The following TXNDC15 variants were observed in gnomAD, a reference collection of about 807,000 sequenced individuals.
TXNDC15 encodes thioredoxin domain-containing protein 15.
In TXNDC15, 24 loss-of-function variants were observed where a neutral mutation model predicts 35.0. The observed-to-expected ratio is 0.68, with a 90% CI of 0.50 to 0.96. The LOEUF is 0.96. Among genes scored for constraint, TXNDC15 ranks in the 40% least tolerant of loss-of-function variants. The probability of loss-of-function intolerance (pLI) is 0.00; values close to 1 mark genes in which losing one functional copy is unlikely to be tolerated. For synonymous variants in TXNDC15, 169 were observed against 174.0 expected (o/e 0.97, Z 0.23); for missense variants, 385 against 453.3 (o/e 0.85, Z 1.37).
At chr5:134,897,014 T>C (rs1321768089) in intron 4 of TXNDC15, among the ~76,000 whole-genome samples, 1 of 152,074 alleles carries the variant, frequency 6.6e-6, no homozygotes, top group African/African-American at 2.4e-5. Context: ...TGATCTCAGT[T>C]CACTTCAGCC....
At chr5:134,884,499 C>T (rs961666088) in intron 1 of TXNDC15, among the ~76,000 whole-genome samples, 1 of 151,988 alleles carries the variant, frequency 6.6e-6, no homozygotes, top group Admixed American at 6.6e-5. Context: ...CTACCCGCCT[C>T]AGCCTCCCAA....
chr5:134,875,478 C>T (rs939980376), intron 1 of TXNDC15: 3 of 439,444 alleles, frequency 6.8e-6, no homozygotes, highest in South Asian at 4.8e-5. Context: ...CGAGCATCAT[C>T]TTTTGGAATC....
intron 2 of TXNDC15, among the ~76,000 whole-genome samples, chr5:134,890,864 T>C (rs1001514331): frequency 6.6e-6 from 1 of 152,248 alleles, no homozygotes; most frequent in Non-Finnish European, 1.5e-5. Context: ...TTATGGAATA[T>C]TCTAAATCCT....
chr5:134,898,341 AT>A (rs1750535713), intron 4 of TXNDC15, among the ~76,000 whole-genome samples: 2 of 152,146 alleles, frequency 1.3e-5, no homozygotes, highest in African/African-American at 4.8e-5. Flanking sequence ...ATATGGCCTT[AT>A]TTTTTATTGT....
rs1448417821 is a variant in TXNDC15 at position 134,901,533 on chromosome 5, T to A, written c.*1848T>A. On this transcript the variant is annotated 3_prime_UTR_variant, in exon 5 of 5. Coordinates refer to ENST00000358387, the MANE Select transcript of TXNDC15 (RefSeq NM_024715.4). ...AAAACTCTAGTGAGTCCACCTCTTATATTGAGTTATTACTGTGTGAGTGCC... is the reference window on the plus strand; with the variant it reads ...AAAACTCTAGTGAGTCCACCTCTTAAATTGAGTTATTACTGTGTGAGTGCC... 1 of 152,238 alleles carries A rather than the reference T, an allele frequency of 6.6e-6. No individual in the cohort carries two copies. Among genetic ancestry groups the A allele is most frequent in the African/African-American group, 2.4e-5 (1 of 41,466 alleles). The allele number at this position is 152,238 out of a possible 1,614,324, so 9.4% of individuals were successfully genotyped here.
chr5:134,875,293 C>T (rs1294161880), intron 1 of TXNDC15: 1 of 456,218 alleles, frequency 2.2e-6, no homozygotes, highest in Non-Finnish European at 4.4e-6. Flanking sequence ...AGTCCAGACC[C>T]TCGGTCTCGC....
chr5:134,889,688 A>G (rs1179030832), intron 2 of TXNDC15, among the ~76,000 whole-genome samples: 1 of 152,204 alleles, frequency 6.6e-6, no homozygotes, highest in Non-Finnish European at 1.5e-5. Context: ...GGTGGGGGCA[A>G]TTGCCTGGAC....
At chr5:134,879,749 T>C (rs991001823) in intron 1 of TXNDC15, among the ~76,000 whole-genome samples, 7 of 151,352 alleles carry the variant, frequency 4.6e-5, no homozygotes, top group African/African-American at 1.7e-4. Flanking sequence ...AGCCTTAAAC[T>C]CTGTCCTATG....
intron 4 of TXNDC15, 44 bp from the exon 5 acceptor site, chr5:134,899,445 G>C (rs370318757): frequency 5.8e-6 from 9 of 1,562,400 alleles, no homozygotes; most frequent in Non-Finnish European, 7.8e-6. Flanking sequence ...ATCTGTGGTG[G>C]GTGCTTTTTC....
rs773583231 is a variant in TXNDC15 at position 134,887,894 on chromosome 5, T to C, written c.303T>C (p.Ala101=). ...MVMLSVIPGE[A]EDKVSSEPSG... is the part of the protein sequence containing the mutation. ...TGCTGTCTGTGATTCCTGGGGAAGC[T>C]GAGGACAAAGTGAGTTCAGAGCCTA... Residue 101 remains alanine (A), a synonymous_variant, in exon 2 of 5, where the codon GCT becomes GCC. Transcript: ENST00000358387. The C allele has an allele frequency of 6.2e-7, 1 of 1,614,160 alleles. No homozygotes were observed. The highest frequency in any genetic ancestry group is 1.1e-5 in the South Asian group (1 of 91,078).
In TXNDC15 at chr5:134,900,489, C is replaced by T. The variant is rs887110926; in HGVS notation, c.*804C>T. On this transcript the variant is annotated 3_prime_UTR_variant, in exon 5 of 5. Coordinates refer to ENST00000358387, the MANE Select transcript of TXNDC15 (RefSeq NM_024715.4). The stretch of plus-strand genomic sequence containing the variant: ...GGACTTTTGAGACCAGCCTGGCCAA[C>T]TTGGTGAAACCCTCTCTCTACTAAA... 23 of 152,150 alleles carry T rather than the reference C, an allele frequency of 1.5e-4. No individual in the cohort carries two copies. Among genetic ancestry groups the T allele is most frequent in the African/African-American group, 4.6e-4 (19 of 41,442 alleles). The allele number at this position is 152,150 out of a possible 1,614,324, so 9.4% of individuals were successfully genotyped here. A position where few individuals can be genotyped will look rare whatever the true frequency, so the allele number is the denominator to read the frequency against.
In TXNDC15 at chr5:134,893,269, C is replaced by T; in HGVS notation, c.592-223C>T. The T allele has an allele frequency of 6.1e-6, 3 of 488,060 alleles. No homozygotes were observed. In the East Asian group the frequency reaches 9.5e-5, roughly 16 times the overall value. The allele number at this position is 488,060 out of a possible 1,614,324, so 30.2% of individuals were successfully genotyped here. The stretch of plus-strand genomic sequence containing the variant: ...AAACTTTCTGCTTAATTCAGCAAGA[C>T]TTAAAAAAAGTGAAAGTTTATAACT... On this transcript the variant is annotated intron_variant, in intron 2 of 4. Transcript: ENST00000358387.
rs920144002 is a variant in TXNDC15, at chr5:134,874,378, T to A, written c.-50T>A. ...TCTCCTCCCCCAGCCTTCCTCCGGCTGGCAGCACGACTCGCGTAGCCGTGC... is the reference window on the plus strand; with the variant it reads ...TCTCCTCCCCCAGCCTTCCTCCGGCAGGCAGCACGACTCGCGTAGCCGTGC... On this transcript the variant is annotated 5_prime_UTR_variant, in exon 1 of 5. Coordinates refer to ENST00000358387, the MANE Select transcript of TXNDC15 (RefSeq NM_024715.4). 3 of 1,500,354 alleles carry A rather than the reference T, an allele frequency of 2.0e-6. No homozygotes were observed. The highest frequency in any genetic ancestry group is 2.9e-5 in the African/African-American group (2 of 69,586). The allele number at this position is 1,500,354 out of a possible 1,614,324, so 92.9% of individuals were successfully genotyped here.
chr5:134,878,405 C>A (rs945845908), intron 1 of TXNDC15, among the ~76,000 whole-genome samples: 3 of 152,202 alleles, frequency 2.0e-5, no homozygotes, highest in African/African-American at 7.2e-5. Context: ...GTATTGTCTC[C>A]ATTTGCTAAA....
At chr5:134,880,585 C>T (rs1373128768) in intron 1 of TXNDC15, among the ~76,000 whole-genome samples, 1 of 151,762 alleles carries the variant, frequency 6.6e-6, no homozygotes, top group Admixed American at 6.6e-5. Context: ...TACGGGCGCC[C>T]GCTACCATGC....
At position 134,899,723 on chromosome 5, in the gene TXNDC15, C is replaced by T. The variant is rs369655185; in HGVS notation, c.*38C>T. On this transcript the variant is annotated 3_prime_UTR_variant, in exon 5 of 5. Coordinates refer to ENST00000358387, the MANE Select transcript of TXNDC15 (RefSeq NM_024715.4). ...AGAAGTTGGAAAGAGGAACTTCAAT[C>T]CTTCGTTTCAGAAATTAGTGCTACA... The T allele has an allele frequency of 4.7e-6, 7 of 1,500,432 alleles. No homozygotes were observed. The highest frequency in any genetic ancestry group is 6.3e-6 in the Non-Finnish European group (7 of 1,116,662). The allele number at this position is 1,500,432 out of a possible 1,614,324, so 92.9% of individuals were successfully genotyped here.
At chr5:134,888,962 G>A (rs1424949790) in intron 2 of TXNDC15, among the ~76,000 whole-genome samples, 2 of 152,184 alleles carry the variant, frequency 1.3e-5, no homozygotes, top group Admixed American at 1.3e-4. Flanking sequence ...TCAGAAAACA[G>A]AAGGGTAGGA....
chr5:134,899,923 A>C lies in TXNDC15; in HGVS notation c.*238A>C, dbSNP rs319600. The C allele has an allele frequency of 0.4, 166,704 of 413,416 alleles. 34,740 individuals are homozygous for C. The highest frequency in any genetic ancestry group is 0.47 in the Middle Eastern group (743 of 1,594). 25.6% of individuals were successfully genotyped at this position (413,416 alleles called of 1,614,324 possible). ...GCACTATTCTTGTTTTTACTGCATG[A>C]ACGTAATCCAGTATTTGGAAAGTAA... On this transcript the variant is annotated 3_prime_UTR_variant, in exon 5 of 5. Coordinates refer to ENST00000358387, the MANE Select transcript of TXNDC15 (RefSeq NM_024715.4).
rs374929180 is a variant in TXNDC15, at chr5:134,886,626, C to G, written c.104-1069C>G. The stretch of plus-strand genomic sequence containing the variant: ...GCTGCCTCTGCACTGCCGAGCCCAT[C>G]TCCCAGCACTCCCAAGGGCAGCAGC... On this transcript the variant is annotated intron_variant, in intron 1 of 4. Transcript: ENST00000358387. Among the ~76,000 whole-genome samples the G allele has an allele frequency of 6.2e-4, 95 of 152,370 alleles. 1 individual carries two copies. The highest frequency in any genetic ancestry group is 2.1e-3 in the African/African-American group (89 of 41,594).
Sources: gnomAD v4.1 joint callset for allele counts (sites outside exome capture counted in the v4.1 genomes callset) on GRCh38, gnomAD v4.1.1 for gene constraint, MANE v1.5 for transcripts, NCBI Gene and HGNC (gene_info 2026-07-23, HGNC 2026-07-21) for gene names.